Variants in NSMF observed in about 807,000 individuals in gnomAD.
The protein encoded by NSMF is NMDA receptor synaptonuclear signaling and neuronal migration factor, also known as nasal embryonic LHRH factor.
A neutral mutation model predicts 71.0 loss-of-function variants in NSMF; 31 were observed. That is an observed-to-expected ratio of 0.44 (90% CI 0.33 to 0.59). The LOEUF is 0.59. NSMF is among the 20% of genes least tolerant of loss of function. NSMF has a pLI of 0.04. For synonymous variants in NSMF, 345 were observed against 287.1 expected (o/e 1.20, Z -2.04); for missense variants, 673 against 740.5 (o/e 0.91, Z 1.06).
rs73567203 is a variant in NSMF at position 137,450,901 on chromosome 9, C to A, written c.1237-646G>T. Among the ~76,000 whole-genome samples the A allele has an allele frequency of 4.4e-4, 12 of 27,342 alleles. 1 individual carries two copies. The highest frequency in any genetic ancestry group is 2.4e-3 in the African/African-American group (12 of 5,054). 17.9% of individuals were successfully genotyped at this position (27,342 alleles called of 152,430 possible). On this transcript the variant is annotated intron_variant, in intron 12 of 15. Transcript: ENST00000371475. The stretch of plus-strand genomic sequence containing the variant: ...CACCTCTTCCCCTTGATCTCCCCCC[C>A]ACGCCTCTTCCCCTTGATCTCCCCC...
chr9:137,450,151 G>A (rs777129785), intron 13 of NSMF, 25 bp downstream of exon 13: 317 of 1,609,706 alleles, frequency 2.0e-4, no homozygotes, highest in Non-Finnish European at 2.6e-4. Flanking sequence ...AGCCCTCCCC[G>A]CGCCCAGGGC....
intron 3 of NSMF, among the ~76,000 whole-genome samples, chr9:137,456,797 C>A (rs1313648502): frequency 6.6e-6 from 1 of 152,226 alleles, no homozygotes; most frequent in African/African-American, 2.4e-5. Context: ...CCCAGGAAAA[C>A]AATGCGTCTG....
At chr9:137,458,449 G>T in intron 2 of NSMF, 39 bp downstream of exon 2, 1 of 1,531,144 alleles carries the variant, frequency 6.5e-7, no homozygotes, top group Non-Finnish European at 8.8e-7. Context: ...TTGGGCTGGG[G>T]GGTCTGGGCG....
intron 1 of NSMF, 74 bp downstream of exon 1, chr9:137,458,958 G>A: frequency 8.6e-7 from 1 of 1,160,010 alleles, no homozygotes; most frequent in Non-Finnish European, 1.1e-6. Context: ...GGGGAGCACC[G>A]CGGGGCAGGG....
chr9:137,456,426 G>T lies in NSMF; in HGVS notation c.689C>A (p.Thr230Asn). 1 of 1,612,984 alleles carries T rather than the reference G, an allele frequency of 6.2e-7. No individual in the cohort carries two copies. Among genetic ancestry groups the T allele is most frequent in the Non-Finnish European group, 8.5e-7 (1 of 1,179,512 alleles). Reference protein sequence around the residue: ...KENLFSFQTATTTMQAISVFR... With the variant: ...KENLFSFQTANTTMQAISVFR... ...CAAGACTCACGCTTGCATAGTTGTG[G>T]TTGCTGTCTGGAAGCTGAAAAGATT... The change falls in exon 4 of 16, where the codon ACC becomes AAC. Residue 230 changes from threonine to asparagine, a missense_variant. Transcript: ENST00000371475.
chr9:137,459,237 T>A lies in NSMF; in HGVS notation c.-135A>T. 2 of 581,806 alleles carry A rather than the reference T, an allele frequency of 3.4e-6. No individual in the cohort carries two copies. 36.0% of individuals were successfully genotyped at this position (581,806 alleles called of 1,614,324 possible). A position where few individuals can be genotyped will look rare whatever the true frequency, so the allele number is the denominator to read the frequency against. ...TCTCGCTCGGGCTCCGGCTCGGGCTTGGGCTCGGGGTCGGGCTCGGGGTCG... is the reference window on the plus strand; with the variant it reads ...TCTCGCTCGGGCTCCGGCTCGGGCTAGGGCTCGGGGTCGGGCTCGGGGTCG... On this transcript the variant is annotated 5_prime_UTR_variant, in exon 1 of 16. Coordinates refer to ENST00000371475, the MANE Select transcript of NSMF (RefSeq NM_001130969.3).
chr9:137,454,751 G>A, intron 6 of NSMF: 16 of 1,451,126 alleles, frequency 1.1e-5, no homozygotes, highest in African/African-American at 1.4e-5. Flanking sequence ...CTTACGCCCT[G>A]AGCCTCCACG....
Position 137,448,930 on chromosome 9 carries a change from G to T in NSMF, c.*464C>A, listed in dbSNP as rs1402903364. The T allele has an allele frequency of 1.5e-5, 4 of 266,832 alleles. No individual in the cohort carries two copies. Among genetic ancestry groups the T allele is most frequent in the Non-Finnish European group, 1.5e-5 (2 of 134,990 alleles). 16.5% of individuals were successfully genotyped at this position (266,832 alleles called of 1,614,324 possible). On this transcript the variant is annotated 3_prime_UTR_variant, in exon 16 of 16. Transcript: ENST00000371475. This position sits in a 1 kb window ranked among gnomAD's most constrained non-coding sequence, Gnocchi z 5.3. ...GTGCTGGTGATCGATACGGCAGGGA[G>T]GGGGTGGGCAGGGAGGGTCCTGAAC... is the stretch of plus-strand genomic sequence containing the variant.
Position 137,456,480 on chromosome 9 carries a change from A to G in NSMF, c.635T>C (p.Ile212Thr), listed in dbSNP as rs1564267115. ...MYSVDRVSDD[I>T]PIRTWFPKEN... ...CTTGGGGAACCAGGTACGAATAGGGATGTCGTCTAAGAGAGACAAAAAGGA... is the reference window on the plus strand; with the variant it reads ...CTTGGGGAACCAGGTACGAATAGGGGTGTCGTCTAAGAGAGACAAAAAGGA... The change falls in exon 4 of 16, where the codon ATC becomes ACC. Residue 212 changes from isoleucine (I) to threonine (T), a missense_variant. Transcript: ENST00000371475. 3 of 1,611,076 alleles carry G rather than the reference A, an allele frequency of 1.9e-6. No individual in the cohort carries two copies. Among genetic ancestry groups the G allele is most frequent in the Middle Eastern group, 1.7e-4 (1 of 6,058 alleles).
At position 137,453,569 on chromosome 9, in the gene NSMF, G is replaced by C. The variant is rs929343203; in HGVS notation, c.922+162C>G. 3.1e-6 allele frequency: 2 copies of C among 640,008 alleles called. No homozygotes were observed. The highest frequency in any genetic ancestry group is 5.3e-6 in the Non-Finnish European group (2 of 375,194). The allele number at this position is 640,008 out of a possible 1,614,324, so 39.6% of individuals were successfully genotyped here. On this transcript the variant is annotated intron_variant, in intron 8 of 15. Transcript: ENST00000371475. The surrounding 1 kb of genome is among the most constrained non-coding windows in gnomAD (Gnocchi z 4.5). ...CGCGGCCGTTGTTAGCCCCGCCTTT[G>C]CGATCGGAGATGCTGAGGGCGTCCC...
chr9:137,452,672 G>A (rs1830597222), intron 10 of NSMF, 64 bp downstream of exon 10: 1 of 1,601,394 alleles, frequency 6.2e-7, no homozygotes, highest in Non-Finnish European at 8.5e-7. Context: ...TGGGGTGCCG[G>A]CGCTGGCCCA....
At chr9:137,452,660 C>T (rs1469723528) in intron 10 of NSMF, 74 bp from the exon 11 acceptor site, 3 of 1,607,316 alleles carry the variant, frequency 1.9e-6, no homozygotes, top group South Asian at 1.1e-5. Flanking sequence ...ACCCTGGGGA[C>T]CTGGGGTGCC....
At position 137,453,720 on chromosome 9, in the gene NSMF, G is replaced by C. The variant is rs1179537352; in HGVS notation, c.922+11C>G. ...CTGGGGAAGGTGGGCGGGCCTGTGC[G>C]GGGCACCTACTGTCTCGGGAGTCGT... On this transcript the variant is annotated intron_variant, in intron 8 of 15. Transcript: ENST00000371475. The surrounding 1 kb of genome is among the most constrained non-coding windows in gnomAD (Gnocchi z 4.5). 6.3e-7 allele frequency: 1 copy of C among 1,594,626 alleles called. No individual in the cohort carries two copies. Among genetic ancestry groups the C allele is most frequent in the East Asian group, 2.2e-5 (1 of 44,506 alleles).
chr9:137,453,513 C>T lies in NSMF; in HGVS notation c.922+218G>A, dbSNP rs924746801. ...GGCCTCTTGCGAGTGGCGGTGGGCA[C>T]GGCCCTACAGGCGCCCCCGGCCAGC... On this transcript the variant is annotated intron_variant, in intron 8 of 15. Coordinates refer to ENST00000371475, the MANE Select transcript of NSMF (RefSeq NM_001130969.3). The surrounding 1 kb of genome is among the most constrained non-coding windows in gnomAD (Gnocchi z 4.5). The T allele has an allele frequency of 5.0e-6, 3 of 600,450 alleles. No homozygotes were observed. The highest frequency in any genetic ancestry group is 5.9e-6 in the Non-Finnish European group (2 of 340,520). The allele number at this position is 600,450 out of a possible 1,614,324, so 37.2% of individuals were successfully genotyped here.
Position 137,459,042 on chromosome 9 carries a change from C to T in NSMF, c.61G>A (p.Ala21Thr). Residue 21 changes from alanine to threonine, a missense_variant, in exon 1 of 16, where the codon GCC becomes ACC. Physicochemically the swap from Ala to Thr is moderately conservative, Grantham distance 58 (BLOSUM62 0). This residue lies in a region of NSMF where 471 missense variants were observed against 459.6 expected (regional missense o/e 1.02). Coordinates refer to ENST00000371475, the MANE Select transcript of NSMF (RefSeq NM_001130969.3). ...CCCCGCCGCACTCACCGCACTTTGG[C>T]CGCCACCGAGGACATGGCCTCGCTC... The part of the protein sequence containing the change: ...LRSEAMSSVA[A>T]KVRAARAFGE... 4 of 1,287,310 alleles carry T rather than the reference C, an allele frequency of 3.1e-6. No homozygotes were observed. Among genetic ancestry groups the T allele is most frequent in the Non-Finnish European group, 3.9e-6 (4 of 1,018,002 alleles). 79.7% of individuals were successfully genotyped at this position (1,287,310 alleles called of 1,614,324 possible).
intron 7 of NSMF, 89 bp downstream of exon 7, chr9:137,454,302 G>C (rs1830718993): frequency 7.8e-7 from 1 of 1,282,580 alleles, no homozygotes. Flanking sequence ...GTTGGGGCGG[G>C]GGTCGTTCTT....
rs1839676238 is a variant in NSMF at position 137,447,768 on chromosome 9, TGCTGCTCTGTCCCCCA to T, written c.*1610_*1625del. Reference sequence around the variant, plus strand: ...CCCTGACCCTAGCCCAGCTGATACGTGCTGCTCTGTCCCCCAGCCACGGGGCAGGGAACCAGCTGGC... The same window carrying T: ...CCCTGACCCTAGCCCAGCTGATACGTGCCACGGGGCAGGGAACCAGCTGGC... On this transcript the variant is annotated 3_prime_UTR_variant, in exon 16 of 16. Coordinates refer to ENST00000371475, the MANE Select transcript of NSMF (RefSeq NM_001130969.3). The T allele has an allele frequency of 6.6e-6, 1 of 151,814 alleles. No individual in the cohort carries two copies. Among genetic ancestry groups the T allele is most frequent in the Non-Finnish European group, 1.5e-5 (1 of 67,998 alleles). 9.4% of individuals were successfully genotyped at this position (151,814 alleles called of 1,614,324 possible).
rs1588513456 is a variant in NSMF, at chr9:137,458,610, G to A, written c.72-61C>T. The A allele has an allele frequency of 4.7e-6, 7 of 1,481,180 alleles. No individual in the cohort carries two copies. In the Admixed American group the frequency reaches 7.8e-5, roughly 16 times the overall value. The allele number at this position is 1,481,180 out of a possible 1,614,324, so 91.8% of individuals were successfully genotyped here. On this transcript the variant is annotated intron_variant, in intron 1 of 15. Transcript: ENST00000371475. Reference sequence around the variant, plus strand: ...GCACGACCCTCCCAAACACCGGGCCGCGCAAGAGCCGGGGGTCCGGTCCCC... The same window carrying A: ...GCACGACCCTCCCAAACACCGGGCCACGCAAGAGCCGGGGGTCCGGTCCCC...
Position 137,453,532 on chromosome 9 carries a change from G to C in NSMF, c.922+199C>G. On this transcript the variant is annotated intron_variant, in intron 8 of 15. Transcript: ENST00000371475. The surrounding 1 kb of genome is among the most constrained non-coding windows in gnomAD (Gnocchi z 4.5). ...TGGGCACGGCCCTACAGGCGCCCCCGGCCAGCACTGCCGCGGCCGTTGTTA... is the reference window on the plus strand; with the variant it reads ...TGGGCACGGCCCTACAGGCGCCCCCCGCCAGCACTGCCGCGGCCGTTGTTA... 1.6e-6 allele frequency: 1 copy of C among 609,590 alleles called. No individual in the cohort carries two copies. Among genetic ancestry groups the C allele is most frequent in the Non-Finnish European group, 2.9e-6 (1 of 348,060 alleles). 37.8% of individuals were successfully genotyped at this position (609,590 alleles called of 1,614,324 possible).
Sources: gnomAD v4.1 joint callset for allele counts (sites outside exome capture counted in the v4.1 genomes callset) on GRCh38, gnomAD v4.1.1 for gene constraint, gnomAD v4.1.1 regional missense constraint, Gnocchi (gnomAD v3.1) non-coding constraint, MANE v1.5 for transcripts, NCBI Gene and HGNC (gene_info 2026-07-23, HGNC 2026-07-21) for gene names.